BARHL1: variants seen among roughly 807,000 people sequenced by gnomAD.
The protein encoded by BARHL1 is barH-like 1 homeobox protein.
A neutral mutation model predicts 20.1 loss-of-function variants in BARHL1; 2 were observed. That is an observed-to-expected ratio of 0.10 (90% CI 0.04 to 0.31). The LOEUF (loss-of-function observed/expected upper bound fraction) is 0.31, where lower values mean the gene tolerates loss of function less well. Among genes scored for constraint, BARHL1 ranks in the 10% least tolerant of loss-of-function variants. The pLI, the probability that BARHL1 is intolerant of heterozygous loss-of-function variation, is 1.00. For synonymous variants in BARHL1, 213 were observed against 209.9 expected, an observed-to-expected ratio of 1.01 and a Z score of -0.13; for missense variants, 397 against 454.0, an observed-to-expected ratio of 0.87 and a Z score of 1.14.
At chr9:132,588,438 A>G (rs1243131984) in intron 2 of BARHL1, among the ~76,000 whole-genome samples, 1 of 152,088 alleles carries the variant, frequency 6.6e-6, no homozygotes, top group Non-Finnish European at 1.5e-5. Context: ...GTAATTACAC[A>G]ATTATGATGA....
At chr9:132,584,157 GGA>G (rs1400705600) in intron 1 of BARHL1, among the ~76,000 whole-genome samples, 11 of 151,426 alleles carry the variant, frequency 7.3e-5, no homozygotes, top group African/African-American at 2.7e-4. Flanking sequence ...AAGGAAGGAA[GGA>G]AGGAAGGAAG....
chr9:132,582,746 G>A lies in BARHL1; in HGVS notation c.-52G>A. The A allele has an allele frequency of 1.4e-6, 2 of 1,469,844 alleles. No individual in the cohort carries two copies. Among genetic ancestry groups the A allele is most frequent in the Non-Finnish European group, 1.8e-6 (2 of 1,087,496 alleles). 91.1% of individuals were successfully genotyped at this position (1,469,844 alleles called of 1,614,324 possible). ...GCTAGGGGCAGGGGCAGCGGCGGCT[G>A]GGGTTGGGGGTGGGTGGGGAGCTTT... On this transcript the variant is annotated 5_prime_UTR_variant, in exon 1 of 3. Transcript: ENST00000263610.
At position 132,590,137 on chromosome 9, in the gene BARHL1, AG is replaced by A. The variant is rs1362701127; in HGVS notation, c.*620del. 6.6e-6 allele frequency: 1 copy of A among 152,080 alleles called. No individual in the cohort carries two copies. The highest frequency in any genetic ancestry group is 2.4e-5 in the African/African-American group (1 of 41,308). The allele number at this position is 152,080 out of a possible 1,614,324, so 9.4% of individuals were successfully genotyped here. On this transcript the variant is annotated 3_prime_UTR_variant, in exon 3 of 3. Transcript: ENST00000263610. ...TCCCAGGCGGGGCAGGAAGGGGCCA[AG>A]GGGGCTTGCCCACCCACCCCGACCC... is the stretch of plus-strand genomic sequence containing the variant.
rs1366420510 is a variant in BARHL1 at position 132,589,820 on chromosome 9, C to T, written c.*298C>T. 2.1e-5 allele frequency: 6 copies of T among 291,688 alleles called. No individual in the cohort carries two copies. The highest frequency in any genetic ancestry group is 6.2e-6 in the Non-Finnish European group (1 of 160,052). 18.1% of individuals were successfully genotyped at this position (291,688 alleles called of 1,614,324 possible). A position where few individuals can be genotyped will look rare whatever the true frequency, so the allele number is the denominator to read the frequency against. On this transcript the variant is annotated 3_prime_UTR_variant, in exon 3 of 3. Coordinates refer to ENST00000263610, the MANE Select transcript of BARHL1 (RefSeq NM_020064.4). ...GCCACTCCCCACCCCCAGCCTCTGC[C>T]GGCTCCCCTAGGCAACCCCTTTCTC...
chr9:132,584,263 C>T (rs1222995242), intron 1 of BARHL1, among the ~76,000 whole-genome samples: 1 of 152,098 alleles, frequency 6.6e-6, no homozygotes, highest in Non-Finnish European at 1.5e-5. Flanking sequence ...GCCAGAGGCA[C>T]AAAGTTCTTT....
chr9:132,584,188 A>C (rs1830113741), intron 1 of BARHL1, among the ~76,000 whole-genome samples: 1 of 152,098 alleles, frequency 6.6e-6, no homozygotes, highest in South Asian at 2.1e-4. Context: ...AAGAAGAAAA[A>C]AAAAGAATTC....
intron 2 of BARHL1, among the ~76,000 whole-genome samples, chr9:132,588,407 C>T (rs1409634775): frequency 6.6e-6 from 1 of 152,162 alleles, no homozygotes; most frequent in African/African-American, 2.4e-5. Flanking sequence ...CTCCGGGCAT[C>T]AATAATTAAG....
chr9:132,587,297 G>A lies in BARHL1; in HGVS notation c.467-32G>A. On this transcript the variant is annotated intron_variant, in intron 1 of 2. Transcript: ENST00000263610. This position sits in a 1 kb window ranked among gnomAD's most constrained non-coding sequence, Gnocchi z 5.5. Reference sequence around the variant, plus strand: ...GGGAGGGCACCGGCGGCGGCTGCGAGGCCGGGCCCTGACATGCCGCTGTGT... The same window carrying A: ...GGGAGGGCACCGGCGGCGGCTGCGAAGCCGGGCCCTGACATGCCGCTGTGT... The A allele has an allele frequency of 1.3e-6, 2 of 1,557,898 alleles. No homozygotes were observed. Among genetic ancestry groups the A allele is most frequent in the South Asian group, 1.2e-5 (1 of 84,834 alleles).
chr9:132,584,937 C>G (rs573208232), intron 1 of BARHL1, among the ~76,000 whole-genome samples: 44 of 152,326 alleles, frequency 2.9e-4, no homozygotes, highest in African/African-American at 1.1e-3. Flanking sequence ...CCATTTGCAA[C>G]AAGAACGGCC....
In BARHL1 at chr9:132,589,786, C is replaced by G. The variant is rs575107312; in HGVS notation, c.*264C>G. 85 of 347,668 alleles carry G rather than the reference C, an allele frequency of 2.4e-4. No individual in the cohort carries two copies. In the South Asian group the frequency reaches 4.6e-3, roughly 19 times the overall value. The allele number at this position is 347,668 out of a possible 1,614,324, so 21.5% of individuals were successfully genotyped here. A position where few individuals can be genotyped will look rare whatever the true frequency, so the allele number is the denominator to read the frequency against. ...CATCCCCACCCGCCGGGTGTACATA[C>G]GCGTCTCTGCCACTCCCCACCCCCA... is the stretch of plus-strand genomic sequence containing the variant. On this transcript the variant is annotated 3_prime_UTR_variant, in exon 3 of 3. Coordinates refer to ENST00000263610, the MANE Select transcript of BARHL1 (RefSeq NM_020064.4).
In BARHL1 at chr9:132,589,311, C is replaced by G. The variant is rs761044647; in HGVS notation, c.773C>G (p.Pro258Arg). Residue 258 changes from proline (P) to arginine (R), a missense_variant, in exon 3 of 3, where the codon CCG (proline) becomes CGG (arginine). By Grantham distance (103) the Pro-to-Arg change is moderately radical. Transcript: ENST00000263610. Reference protein sequence around the residue: ...GNYSALQRMFPSPYFYPQSLV... With the variant: ...GNYSALQRMFRSPYFYPQSLV... The stretch of plus-strand genomic sequence containing the variant: ...TACTCAGCGCTCCAGCGGATGTTCC[C>G]GTCGCCTTATTTCTACCCGCAGAGT... The G allele has an allele frequency of 6.8e-6, 11 of 1,613,428 alleles. No homozygotes were observed. Among genetic ancestry groups the G allele is most frequent in the Non-Finnish European group, 9.3e-6 (11 of 1,180,008 alleles).
rs1315308878 is a variant in BARHL1 at position 132,583,196 on chromosome 9, C to T, written c.399C>T (p.Ala133=). The change falls in exon 1 of 3, where the codon GCC becomes GCT. Residue 133 remains alanine (A), a synonymous_variant. Transcript: ENST00000263610. ...PEPGGRLAAK[A]AEDFRDKLDK... is the part of the protein sequence containing the mutation. ...CTGGGGGCCGCCTTGCGGCCAAGGC[C>T]GCGGAGGACTTTAGAGACAAGCTGG... The T allele has an allele frequency of 2.5e-6, 4 of 1,613,378 alleles. No individual in the cohort carries two copies. The highest frequency in any genetic ancestry group is 1.7e-4 in the Middle Eastern group (1 of 6,058).
chr9:132,587,373 C>T lies in BARHL1; in HGVS notation c.511C>T (p.Pro171Ser), dbSNP rs1362561523. The T allele has an allele frequency of 1.2e-6, 2 of 1,611,330 alleles. No individual in the cohort carries two copies. The highest frequency in any genetic ancestry group is 1.7e-5 in the Admixed American group (1 of 59,868). ...CGAGATCTCCAGCTCCAGGGACAGT[C>T]CCCCGGTGCGCCTGAAAAAGCCACG... ...DREISSSRDS[P>S]PVRLKKPRKA... The change falls in exon 2 of 3, where the codon CCC becomes TCC. Residue 171 changes from proline to serine, a missense_variant. Pro to Ser is a moderately conservative substitution (Grantham distance 74). Coordinates refer to ENST00000263610, the MANE Select transcript of BARHL1 (RefSeq NM_020064.4). The surrounding 1 kb of genome is among the most constrained non-coding windows in gnomAD (Gnocchi z 5.5).
rs534746952 is a variant in BARHL1 at position 132,587,103 on chromosome 9, CG to C, written c.467-220del. Among the ~76,000 whole-genome samples, 125 of 152,336 alleles carry C rather than the reference CG, an allele frequency of 8.2e-4. No individual in the cohort carries two copies. Among genetic ancestry groups the C allele is most frequent in the Non-Finnish European group, 1.6e-3 (110 of 68,024 alleles). On this transcript the variant is annotated intron_variant, in intron 1 of 2. Transcript: ENST00000263610. The surrounding 1 kb of genome is among the most constrained non-coding windows in gnomAD (Gnocchi z 5.5). ...CGGGTTCTTTCTCCCCGGAGCTGCC[CG>C]GGGGGTCTCGGCCTCGGGCGCTCCC...
rs758496214 is a variant in BARHL1 at position 132,587,337 on chromosome 9, G to A, written c.475G>A (p.Glu159Lys). ...TGCCGCTGTGTCCGCAGTGAAGGAGGAGGGCGACCGCGAGATCTCCAGCTC... is the reference window on the plus strand; with the variant it reads ...TGCCGCTGTGTCCGCAGTGAAGGAGAAGGGCGACCGCGAGATCTCCAGCTC... ...SSDSEYKVKE[E>K]GDREISSSRD... The change falls in exon 2 of 3, where the codon GAG becomes AAG. Residue 159 changes from glutamate to lysine, a missense_variant. This residue lies in a region of BARHL1 where 272 missense variants were observed against 298.7 expected (regional missense o/e 0.91). Transcript: ENST00000263610. This position sits in a 1 kb window ranked among gnomAD's most constrained non-coding sequence, Gnocchi z 5.5. The A allele has an allele frequency of 4.4e-6, 7 of 1,603,614 alleles. No homozygotes were observed. Among genetic ancestry groups the A allele is most frequent in the Admixed American group, 3.4e-5 (2 of 59,138 alleles).
Position 132,582,874 on chromosome 9 carries a change from A to AC in BARHL1, c.81dup (p.Leu29AlafsTer88). 1 of 1,612,578 alleles carries AC rather than the reference A, an allele frequency of 6.2e-7. No homozygotes were observed. Among genetic ancestry groups the AC allele is most frequent in the Non-Finnish European group, 8.5e-7 (1 of 1,179,822 alleles). On this transcript the variant is annotated frameshift_variant, in exon 1 of 3. Coordinates refer to ENST00000263610, the MANE Select transcript of BARHL1 (RefSeq NM_020064.4). LOFTEE classifies it high-confidence loss of function. ...GGCAGCCCCGCCCTTCCCAAGGGGG[A>AC]CCCCTTGCTCGGGGACTGCCGTTCG...
chr9:132,587,496 G>A lies in BARHL1; in HGVS notation c.634G>A (p.Ala212Thr). 6.2e-7 allele frequency: 1 copy of A among 1,612,540 alleles called. No individual in the cohort carries two copies. The highest frequency in any genetic ancestry group is 8.5e-7 in the Non-Finnish European group (1 of 1,179,568). The change falls in exon 2 of 3, where the codon GCC becomes ACC. Residue 212 changes from alanine (A) to threonine (T), a missense_variant. Around this residue, in one of 3 missense-constraint regions of BARHL1, gnomAD observed 272 missense variants for 298.7 expected, o/e 0.91. Transcript: ENST00000263610. This position sits in a 1 kb window ranked among gnomAD's most constrained non-coding sequence, Gnocchi z 5.5. ...GAGCGTGCAGGACCGCATGGAGCTC[G>A]CCGCCTCGCTCAACCTCACCGACAC... Reference protein sequence around the residue: ...YLSVQDRMELAASLNLTDTQV... With the variant: ...YLSVQDRMELTASLNLTDTQV...
At chr9:132,588,609 G>A (rs1031928253) in intron 2 of BARHL1, among the ~76,000 whole-genome samples, 5 of 152,020 alleles carry the variant, frequency 3.3e-5, no homozygotes, top group Non-Finnish European at 5.9e-5. Context: ...TGGACTTTGG[G>A]GCCAGACAGT....
rs1375204886 is a variant in BARHL1 at position 132,587,711 on chromosome 9, T to C, written c.689+160T>C. Among the ~76,000 whole-genome samples, 1 of 152,202 alleles carries C rather than the reference T, an allele frequency of 6.6e-6. No homozygotes were observed. The highest frequency in any genetic ancestry group is 1.5e-5 in the Non-Finnish European group (1 of 68,032). ...ACTGAGTCCCTAAGGGGACAAGGCC[T>C]TGCCCAAAGTCCCCACAGCGAGGGA... On this transcript the variant is annotated intron_variant, in intron 2 of 2. Transcript: ENST00000263610. The surrounding 1 kb of genome is among the most constrained non-coding windows in gnomAD (Gnocchi z 5.5).
Sources: allele counts gnomAD v4.1 joint callset (sites outside exome capture counted in the v4.1 genomes callset), GRCh38; gene constraint gnomAD v4.1.1; regional missense constraint gnomAD v4.1.1; non-coding constraint Gnocchi (gnomAD v3.1); transcripts MANE v1.5; gene names NCBI Gene and HGNC (gene_info 2026-07-23, HGNC 2026-07-21).